The following FSHR variants were observed in gnomAD, a reference collection of about 807,000 sequenced individuals.
FSHR encodes follicle-stimulating hormone receptor.
Under a neutral mutation model 52.1 loss-of-function variants are expected in FSHR, and 46 were observed. The observed-to-expected ratio is 0.88, with a 90% CI of 0.70 to 1.13. The LOEUF (loss-of-function observed/expected upper bound fraction) is 1.13, where lower values mean the gene tolerates loss of function less well. Among genes scored for constraint, FSHR ranks in the 50% most tolerant of loss-of-function variants. The pLI is 0.00. For synonymous variants in FSHR, 399 were observed against 309.6 expected (o/e 1.29, Z -3.03); for missense variants, 964 against 834.6 (o/e 1.16, Z -1.91).
At chr2:48,979,724 A>T (rs971746361) in intron 8 of FSHR, among the ~76,000 whole-genome samples, 4 of 152,022 alleles carry the variant, frequency 2.6e-5, no homozygotes, top group Non-Finnish European at 5.9e-5. Flanking sequence ...CATTACCCTG[A>T]TTCTGCTTCC....
intron 8 of FSHR, among the ~76,000 whole-genome samples, chr2:48,969,471 C>T (rs2104010967): frequency 6.6e-6 from 1 of 152,296 alleles, no homozygotes; most frequent in Non-Finnish European, 1.5e-5. Flanking sequence ...TACCTTGCCC[C>T]TCTCCCTATT....
intron 1 of FSHR, among the ~76,000 whole-genome samples, chr2:49,112,566 A>G (rs569895871): frequency 3.3e-5 from 5 of 152,338 alleles, no homozygotes; most frequent in African/African-American, 1.2e-4. Context: ...ATAAAGATGC[A>G]TTGATAGGTA....
chr2:48,993,079 T>C (rs975645843), intron 4 of FSHR, among the ~76,000 whole-genome samples: 1 of 152,170 alleles, frequency 6.6e-6, no homozygotes, highest in African/African-American at 2.4e-5. Flanking sequence ...TTTAGCATTC[T>C]TTGTTGATTC....
intron 1 of FSHR, among the ~76,000 whole-genome samples, chr2:49,137,257 A>T (rs1672519430): frequency 6.6e-6 from 1 of 152,126 alleles, no homozygotes; most frequent in South Asian, 2.1e-4. Flanking sequence ...TCATGATAGT[A>T]TTATAAAAAA....
intron 1 of FSHR, among the ~76,000 whole-genome samples, chr2:49,075,782 C>G (rs906296688): frequency 2.0e-5 from 3 of 151,676 alleles, no homozygotes; most frequent in Admixed American, 2.0e-4. Context: ...CATGCACCAC[C>G]ACATCTGGCT....
chr2:49,135,641 G>C lies in FSHR; in HGVS notation c.152+18625C>G, dbSNP rs535598140. Among the ~76,000 whole-genome samples, 4 of 152,116 alleles carry C rather than the reference G, an allele frequency of 2.6e-5. No homozygotes were observed. The East Asian group carries it at 5.8e-4, about 22-fold the overall frequency. On this transcript the variant is annotated intron_variant, in intron 1 of 9. Transcript: ENST00000406846. ...GACCCTTGAACAATGTGGAGGTTAGGTTTACCAACCCCCATGCAATAAAAA... is the reference window on the plus strand; with the variant it reads ...GACCCTTGAACAATGTGGAGGTTAGCTTTACCAACCCCCATGCAATAAAAA...
chr2:49,103,833 G>T (rs1202196033), intron 1 of FSHR, among the ~76,000 whole-genome samples: 1 of 152,038 alleles, frequency 6.6e-6, no homozygotes, highest in Non-Finnish European at 1.5e-5. Flanking sequence ...ATGAAATTTG[G>T]GATAAAGACA....
Position 48,968,404 on chromosome 2 carries a change from A to G in FSHR, c.854+294T>C, listed in dbSNP as rs1196907218. 2.0e-5 allele frequency among the ~76,000 whole-genome samples: 3 copies of G among 152,348 alleles called. No individual in the cohort carries two copies. The South Asian group carries it at 6.2e-4, about 32-fold the overall frequency. ...ACAAAGGAAAGAGGGAACAGATATT[A>G]TGCACCAACTCTGAGGCACTATGCT... is the stretch of plus-strand genomic sequence containing the variant. On this transcript the variant is annotated intron_variant, in intron 9 of 9. Coordinates refer to ENST00000406846, the MANE Select transcript of FSHR (RefSeq NM_000145.4).
intron 1 of FSHR, among the ~76,000 whole-genome samples, chr2:49,071,940 A>T (rs192274473): frequency 4.3e-4 from 65 of 152,240 alleles, no homozygotes; most frequent in Non-Finnish European, 4.3e-4. Context: ...TGACACAGTC[A>T]CCTCCCACTA....
intron 1 of FSHR, among the ~76,000 whole-genome samples, chr2:49,100,146 A>T (rs1378038342): frequency 6.6e-6 from 1 of 152,148 alleles, no homozygotes; most frequent in Non-Finnish European, 1.5e-5. Flanking sequence ...AAGTTTCTAG[A>T]TGAGGAGGCC....
chr2:48,979,972 C>A (rs1043623908), intron 8 of FSHR, among the ~76,000 whole-genome samples: 1 of 152,206 alleles, frequency 6.6e-6, no homozygotes, highest in Admixed American at 6.5e-5. Context: ...TGCACACCTA[C>A]ACAAGCACCT....
intron 2 of FSHR, among the ~76,000 whole-genome samples, chr2:49,052,505 A>C (rs1504186): frequency 0.2 from 30,875 of 152,188 alleles, 4,587 homozygotes; most frequent in African/African-American, 0.41. Context: ...TCGTCCTGGA[A>C]AAATGGAATA....
At chr2:49,036,676 T>G (rs1668282474) in intron 2 of FSHR, among the ~76,000 whole-genome samples, 1 of 152,174 alleles carries the variant, frequency 6.6e-6, no homozygotes, top group Non-Finnish European at 1.5e-5. Context: ...AGCCCCAGTT[T>G]GTCAAGGTAG....
intron 4 of FSHR, among the ~76,000 whole-genome samples, chr2:48,991,285 T>C (rs563078524): frequency 7.2e-5 from 11 of 152,302 alleles, no homozygotes; most frequent in Non-Finnish European, 1.2e-4. Flanking sequence ...GTGGGTAATA[T>C]AGCTGATAGC....
rs1176998660 is a variant in FSHR at position 48,963,879 on chromosome 2, C to T, written c.942G>A (p.Leu314=). ...TGTAGCTGGACTCATTGTCTTCTGC[C>T]AGAGAGGATCTCTGACCCCTAGCCT... ...MTQARGQRSS[L]AEDNESSYSR... The change falls in exon 10 of 10, where the codon CTG becomes CTA. Residue 314 remains leucine (L), a synonymous_variant. Transcript: ENST00000406846. 6.2e-7 allele frequency: 1 copy of T among 1,613,972 alleles called. No homozygotes were observed. The highest frequency in any genetic ancestry group is 8.5e-7 in the Non-Finnish European group (1 of 1,179,992).
At chr2:49,002,411 C>T (rs1226342548) in intron 4 of FSHR, among the ~76,000 whole-genome samples, 2 of 152,156 alleles carry the variant, frequency 1.3e-5, no homozygotes, top group Non-Finnish European at 2.9e-5. Flanking sequence ...CCTTCTCATG[C>T]TGCTATGAAG....
In FSHR at chr2:48,962,203, A is replaced by G. The variant is rs888544350; in HGVS notation, c.*530T>C. The G allele has an allele frequency of 5.4e-5, 10 of 185,162 alleles. No individual in the cohort carries two copies. Among genetic ancestry groups the G allele is most frequent in the African/African-American group, 2.4e-4 (10 of 41,706 alleles). 11.5% of individuals were successfully genotyped at this position (185,162 alleles called of 1,614,324 possible). On this transcript the variant is annotated 3_prime_UTR_variant, in exon 10 of 10. Transcript: ENST00000406846. ...CTGGGAAATGTATTTCAGCCTATCC[A>G]CACTGACGCATTACAAAGGCTTCAG...
intron 8 of FSHR, 78 bp from the exon 9 acceptor site, chr2:48,968,961 CA>C: frequency 8.0e-7 from 1 of 1,248,084 alleles, no homozygotes; most frequent in Admixed American, 1.8e-5. Context: ...GGCAAAATAG[CA>C]GACACACTAG....
intron 1 of FSHR, among the ~76,000 whole-genome samples, chr2:49,124,968 G>A (rs1671948347): frequency 6.6e-6 from 1 of 152,088 alleles, no homozygotes; most frequent in African/African-American, 2.4e-5. Context: ...ATCCATTCCT[G>A]TCACCTGTCA....
Sources: gnomAD v4.1 joint callset for allele counts (sites outside exome capture counted in the v4.1 genomes callset) on GRCh38, gnomAD v4.1.1 for gene constraint, MANE v1.5 for transcripts, NCBI Gene and HGNC (gene_info 2026-07-23, HGNC 2026-07-21) for gene names.